Variants in EPHA7 observed in about 807,000 individuals in gnomAD.
The protein encoded by EPHA7 is EPH receptor A7.
In EPHA7, 25 loss-of-function variants were observed where a neutral mutation model predicts 112.6. The observed-to-expected ratio is 0.22, with a 90% CI of 0.16 to 0.31. EPHA7 has a LOEUF of 0.31. Ranked by LOEUF, EPHA7 falls within the 10% of genes least tolerant of loss-of-function variation. The pLI, the probability that EPHA7 is intolerant of heterozygous loss-of-function variation, is 1.00. For missense variants in EPHA7, 962 were observed against 1,212.6 expected (o/e 0.79, Z 3.07); for synonymous variants, 437 against 406.5 (o/e 1.07, Z -0.90).
rs138788199 is a variant in EPHA7 at position 93,307,240 on chromosome 6, G to GA, written c.1325-34819dup. 7.2e-3 allele frequency among the ~76,000 whole-genome samples: 1,080 copies of GA among 149,910 alleles called. 8 individuals are homozygous for GA. The highest frequency in any genetic ancestry group is 8.6e-3 in the Non-Finnish European group (578 of 67,296). ...ATGTGACAATATGTGGTACCAAAAAGAAAAAAAAATTCACCATGATAGCAA... is the reference window on the plus strand; with the variant it reads ...ATGTGACAATATGTGGTACCAAAAAGAAAAAAAAAATTCACCATGATAGCAA... On this transcript the variant is annotated intron_variant, in intron 5 of 16. Transcript: ENST00000369303.
chr6:93,411,843 T>A (rs555602887), intron 2 of EPHA7, among the ~76,000 whole-genome samples: 2 of 152,224 alleles, frequency 1.3e-5, no homozygotes, highest in East Asian at 3.9e-4. Flanking sequence ...TTGCTTTCAA[T>A]AGACAATCAA....
chr6:93,301,547 C>T (rs768339458), intron 5 of EPHA7, among the ~76,000 whole-genome samples: 2 of 151,994 alleles, frequency 1.3e-5, no homozygotes, highest in African/African-American at 2.4e-5. Context: ...AATTTAATAG[C>T]GATTTTTTTA....
At chr6:93,280,187 A>G (rs1357568766) in intron 5 of EPHA7, among the ~76,000 whole-genome samples, 2 of 152,214 alleles carry the variant, frequency 1.3e-5, no homozygotes, top group Non-Finnish European at 2.9e-5. Context: ...TAGATGAAAT[A>G]TAAATCAAGT....
intron 5 of EPHA7, among the ~76,000 whole-genome samples, chr6:93,325,949 A>G (rs1264965563): frequency 6.6e-6 from 1 of 151,390 alleles, no homozygotes; most frequent in Non-Finnish European, 1.5e-5. Flanking sequence ...TGATGCCCAC[A>G]CTTGCTGAGA....
chr6:93,419,522 C>T lies in EPHA7; in HGVS notation c.-181G>A. On this transcript the variant is annotated 5_prime_UTR_variant, in exon 1 of 17. Transcript: ENST00000369303. ...TTTCCCCCCCACTCCTGTTCGCTCG[C>T]ACCGTGTTTGCTGCCTGCAAGTCTC... 6 of 558,206 alleles carry T rather than the reference C, an allele frequency of 1.1e-5. No individual in the cohort carries two copies. The highest frequency in any genetic ancestry group is 3.5e-5 in the Admixed American group (1 of 28,356). 34.6% of individuals were successfully genotyped at this position (558,206 alleles called of 1,614,324 possible).
intron 3 of EPHA7, among the ~76,000 whole-genome samples, chr6:93,390,221 CA>C (rs58831325): frequency 4.5e-4 from 57 of 125,566 alleles, no homozygotes; most frequent in African/African-American, 1.1e-3. Context: ...TCTGGATTCT[CA>C]AAAAAAAAAT....
intron 3 of EPHA7, among the ~76,000 whole-genome samples, chr6:93,384,948 T>C (rs1376418668): frequency 6.6e-6 from 1 of 152,142 alleles, no homozygotes; most frequent in Non-Finnish European, 1.5e-5. Context: ...CATCAAAAAC[T>C]AGTTGCACTA....
intron 3 of EPHA7, among the ~76,000 whole-genome samples, chr6:93,384,757 CTT>C (rs1213543321): frequency 9.2e-5 from 14 of 152,242 alleles, no homozygotes; most frequent in South Asian, 4.1e-4. Context: ...TAATTTCTGA[CTT>C]ATATTGTAAC....
At position 93,410,523 on chromosome 6, in the gene EPHA7, C is replaced by A; in HGVS notation, c.810G>T (p.Gln270His). The A allele has an allele frequency of 6.2e-7, 1 of 1,611,064 alleles. No homozygotes were observed. Among genetic ancestry groups the A allele is most frequent in the Non-Finnish European group, 8.5e-7 (1 of 1,178,858 alleles). Residue 270 changes from glutamine (Q) to histidine (H), a missense_variant, in exon 3 of 17, where the codon CAG becomes CAT. Transcript: ENST00000369303. This position sits in a 1 kb window ranked among gnomAD's most constrained non-coding sequence, Gnocchi z 4.0. ...TACGTTCACAAGTGTCTCCTTTTTG[C>A]TGGTAGCCTGCTTTGCAGATACATT... ...IGKCICKAGY[Q>H]QKGDTCEPCG...
intron 5 of EPHA7, among the ~76,000 whole-genome samples, chr6:93,344,386 T>A (rs944708389): frequency 6.6e-6 from 1 of 151,548 alleles, no homozygotes; most frequent in Non-Finnish European, 1.5e-5. Flanking sequence ...GGATGAGATG[T>A]CAAAACAAGG....
At chr6:93,316,536 G>A (rs559260883) in intron 5 of EPHA7, among the ~76,000 whole-genome samples, 3 of 152,106 alleles carry the variant, frequency 2.0e-5, no homozygotes, top group African/African-American at 7.2e-5. Flanking sequence ...CACTATTTCT[G>A]TGAAAACATC....
At chr6:93,394,012 C>T (rs990224207) in intron 3 of EPHA7, among the ~76,000 whole-genome samples, 5 of 151,472 alleles carry the variant, frequency 3.3e-5, no homozygotes, top group African/African-American at 9.7e-5. Flanking sequence ...TAATAAGAGG[C>T]TCCTGTCATT....
chr6:93,393,149 G>A (rs554921662), intron 3 of EPHA7, among the ~76,000 whole-genome samples: 93 of 151,838 alleles, frequency 6.1e-4, no homozygotes, highest in Admixed American at 2.0e-3. Context: ...TTTAAGACCT[G>A]TTTTAACAAA....
intron 2 of EPHA7, among the ~76,000 whole-genome samples, chr6:93,411,726 T>C (rs1778985828): frequency 6.6e-6 from 1 of 152,136 alleles, no homozygotes; most frequent in Non-Finnish European, 1.5e-5. Flanking sequence ...GGAAGTAACA[T>C]TTTACAGAGC....
intron 5 of EPHA7, among the ~76,000 whole-genome samples, chr6:93,304,723 T>C (rs1030199196): frequency 1.2e-4 from 19 of 152,076 alleles, no homozygotes; most frequent in African/African-American, 4.6e-4. Flanking sequence ...CTCAGTACAA[T>C]AGCCCAACTC....
chr6:93,418,255 C>T (rs1779343876), intron 1 of EPHA7, among the ~76,000 whole-genome samples: 3 of 151,948 alleles, frequency 2.0e-5, no homozygotes, highest in Non-Finnish European at 4.4e-5. Flanking sequence ...CCAGCTCCAA[C>T]TACAGGCACC....
chr6:93,256,148 G>T, intron 12 of EPHA7, 111 bp from the exon 13 acceptor site: 2 of 899,288 alleles, frequency 2.2e-6, no homozygotes, highest in Non-Finnish European at 1.7e-6. Context: ...AATAGGAATT[G>T]TTAATTTTTT....
intron 5 of EPHA7, among the ~76,000 whole-genome samples, chr6:93,295,124 G>T (rs911885450): frequency 6.6e-6 from 1 of 151,652 alleles, no homozygotes; most frequent in African/African-American, 2.4e-5. Flanking sequence ...GAGAGAGAGA[G>T]ATCAACCATT....
intron 14 of EPHA7, 104 bp from the exon 15 acceptor site, chr6:93,247,089 C>G: frequency 2.0e-6 from 2 of 1,011,048 alleles, no homozygotes; most frequent in South Asian, 4.6e-5. Flanking sequence ...GAATGAGGCA[C>G]AATGCTTCAC....
Sources: allele counts gnomAD v4.1 joint callset (sites outside exome capture counted in the v4.1 genomes callset), GRCh38; gene constraint gnomAD v4.1.1; non-coding constraint Gnocchi (gnomAD v3.1); transcripts MANE v1.5; gene names NCBI Gene and HGNC (gene_info 2026-07-23, HGNC 2026-07-21).